Variants in AFG2A observed in about 807,000 individuals in gnomAD.
AFG2A encodes AAA ATPase AFG2A.
At chr4:123,315,310 C>G in the AFG2A span, 1 of 151,242 alleles carries the variant, frequency 6.6e-6, no homozygotes, top group African/African-American at 2.5e-5. Context: ...GCCTCAGCCT[C>G]CTGAGTAGCT....
At chr4:123,011,322 A>G in the AFG2A span, among the ~76,000 whole-genome samples, 5 of 152,360 alleles carry the variant, frequency 3.3e-5, no homozygotes, top group African/African-American at 1.2e-4. Context: ...ATTTCCATGT[A>G]TACAAAAACT....
the AFG2A span, among the ~76,000 whole-genome samples, chr4:123,241,328 A>G: frequency 3.3e-5 from 5 of 152,220 alleles, no homozygotes; most frequent in Admixed American, 2.6e-4. Flanking sequence ...AGACAAAACA[A>G]AAAAAGAGAA....
the AFG2A span, among the ~76,000 whole-genome samples, chr4:122,996,856 C>T: frequency 7.9e-5 from 12 of 152,074 alleles, no homozygotes; most frequent in East Asian, 7.7e-4. Context: ...GGCTGGAGAA[C>T]GTAGAGTCCC....
chr4:123,073,014 C>T, the AFG2A span, among the ~76,000 whole-genome samples: 4 of 152,122 alleles, frequency 2.6e-5, no homozygotes, highest in East Asian at 5.8e-4. Flanking sequence ...AGCTAACTGA[C>T]ATATCTGGCA....
the AFG2A span, among the ~76,000 whole-genome samples, chr4:123,099,718 T>A: frequency 6.6e-6 from 1 of 151,818 alleles, no homozygotes; most frequent in Non-Finnish European, 1.5e-5. Flanking sequence ...TTAAAATACA[T>A]TTTCTTCCAC....
chr4:123,148,695 A>G, the AFG2A span, among the ~76,000 whole-genome samples: 1 of 152,132 alleles, frequency 6.6e-6, no homozygotes, highest in African/African-American at 2.4e-5. Flanking sequence ...TTGATTACAA[A>G]TAGGAGGTAC....
At chr4:123,196,680 G>C in the AFG2A span, among the ~76,000 whole-genome samples, 1 of 152,296 alleles carries the variant, frequency 6.6e-6, no homozygotes, top group Non-Finnish European at 1.5e-5. Context: ...ATAGAGATTG[G>C]ATGAGGGAAG....
the AFG2A span, among the ~76,000 whole-genome samples, chr4:123,200,597 C>T: frequency 7.2e-5 from 11 of 152,290 alleles, no homozygotes; most frequent in African/African-American, 2.4e-4. Flanking sequence ...ACAAGCTTGG[C>T]CTTCAGTTTG....
the AFG2A span, among the ~76,000 whole-genome samples, chr4:123,010,733 C>T: frequency 6.6e-6 from 1 of 152,210 alleles, no homozygotes; most frequent in Non-Finnish European, 1.5e-5. Flanking sequence ...GATCTAACCA[C>T]GTAGGCTTGC....
chr4:123,049,599 A>AT, the AFG2A span, among the ~76,000 whole-genome samples: 8 of 151,418 alleles, frequency 5.3e-5, no homozygotes, highest in African/African-American at 1.9e-4. Flanking sequence ...ATTCTTTTAG[A>AT]TTTTCCCATT....
the AFG2A span, among the ~76,000 whole-genome samples, chr4:123,289,435 T>A: frequency 1.7e-3 from 262 of 152,356 alleles, 1 homozygote; most frequent in African/African-American, 6.0e-3. Flanking sequence ...TTAGGTTGAT[T>A]CCATACCCTT....
At chr4:123,180,590 G>A in the AFG2A span, among the ~76,000 whole-genome samples, 4 of 152,104 alleles carry the variant, frequency 2.6e-5, no homozygotes, top group Non-Finnish European at 5.9e-5. Context: ...TTTGCACATT[G>A]TAGACAAATA....
chr4:123,077,043 GTTGT>G, the AFG2A span, among the ~76,000 whole-genome samples: 13 of 71,924 alleles, frequency 1.8e-4, no homozygotes, highest in East Asian at 6.5e-3. Flanking sequence ...TTTTCCTGTT[GTTGT>G]TTTTTTTTTT....
At chr4:122,981,355 C>G in the AFG2A span, among the ~76,000 whole-genome samples, 1 of 43,478 alleles carries the variant, frequency 2.3e-5, no homozygotes, top group African/African-American at 4.3e-5. Flanking sequence ...TTTCTGGGCT[C>G]TCTATTGTTT....
the AFG2A span, chr4:122,934,346 C>T: frequency 6.2e-7 from 1 of 1,614,172 alleles, no homozygotes; most frequent in South Asian, 1.1e-5. Context: ...AGAAGTACTC[C>T]TTATAAACCA....
At chr4:123,021,209 G>C in the AFG2A span, among the ~76,000 whole-genome samples, 1 of 148,300 alleles carries the variant, frequency 6.7e-6, no homozygotes, top group Non-Finnish European at 1.5e-5. Flanking sequence ...AGTTATTTAA[G>C]CTTTTTTTAA....
chr4:122,955,122 A>G, the AFG2A span, among the ~76,000 whole-genome samples: 3 of 152,216 alleles, frequency 2.0e-5, no homozygotes, highest in African/African-American at 7.2e-5. Context: ...CAAACAAGAC[A>G]TAGGGTTTTA....
the AFG2A span, chr4:122,929,137 T>TCCAC: frequency 6.2e-7 from 1 of 1,613,368 alleles, no homozygotes; most frequent in Non-Finnish European, 8.5e-7. Context: ...GGTGATGCCA[T>TCCAC]CCAGGTCCAG....
chr4:123,026,216 C>T, the AFG2A span, among the ~76,000 whole-genome samples: 1 of 151,630 alleles, frequency 6.6e-6, no homozygotes, highest in African/African-American at 2.4e-5. Context: ...AGCCTCAGAC[C>T]AGGAAATGTG....
Sources: allele counts gnomAD v4.1 joint callset (sites outside exome capture counted in the v4.1 genomes callset), GRCh38; gene constraint gnomAD v4.1.1; transcripts MANE v1.5; gene names NCBI Gene and HGNC (gene_info 2026-07-23, HGNC 2026-07-21).